Variants in PGM2L1 observed in about 807,000 individuals in gnomAD.
PGM2L1 encodes glucose 1,6-bisphosphate synthase.
PGM2L1 carries 35 observed loss-of-function variants against 73.4 expected under a neutral mutation model. The ratio of observed to expected loss-of-function variants is 0.48; its 90% CI spans 0.36 to 0.63. The LOEUF (loss-of-function observed/expected upper bound fraction) is 0.63. PGM2L1 is among the 30% of genes least tolerant of loss of function. The pLI is 0.00. For missense variants in PGM2L1, 570 were observed against 742.0 expected (o/e 0.77, Z 2.69); for synonymous variants, 225 against 253.8 (o/e 0.89, Z 1.08).
At chr11:74,360,637 T>A (rs1862547541) in intron 5 of PGM2L1, among the ~76,000 whole-genome samples, 1 of 151,392 alleles carries the variant, frequency 6.6e-6, no homozygotes, top group East Asian at 1.9e-4. Flanking sequence ...GCGCAAGGGG[T>A]CATGGAATTC....
At position 74,398,212 on chromosome 11, in the gene PGM2L1, G is replaced by C. The variant is rs755677873; in HGVS notation, c.-51C>G. 4 of 1,561,984 alleles carry C rather than the reference G, an allele frequency of 2.6e-6. No homozygotes were observed. The highest frequency in any genetic ancestry group is 1.4e-5 in the African/African-American group (1 of 74,072). On this transcript the variant is annotated 5_prime_UTR_variant, in exon 1 of 14. Coordinates refer to ENST00000298198, the MANE Select transcript of PGM2L1 (RefSeq NM_173582.6). ...GGGGCCGGCGAAGACACTGAGTTGG[G>C]GTGGGGGGTGGCTTGGGGTTCGCTC...
chr11:74,353,688 G>T (rs76157486), intron 5 of PGM2L1, among the ~76,000 whole-genome samples: 3 of 148,164 alleles, frequency 2.0e-5, no homozygotes, highest in East Asian at 4.1e-4. Context: ...CAAGGCAGAA[G>T]AATTTTTCTT....
At chr11:74,381,188 C>A (rs974748894) in intron 1 of PGM2L1, among the ~76,000 whole-genome samples, 1 of 152,166 alleles carries the variant, frequency 6.6e-6, no homozygotes, top group African/African-American at 2.4e-5. Context: ...AGTATCCTCA[C>A]CTGTAAAAAA....
rs1422145143 is a variant in PGM2L1, at chr11:74,335,110, G to A, written c.*1542C>T. 1 of 150,964 alleles carries A rather than the reference G, an allele frequency of 6.6e-6. No individual in the cohort carries two copies. The highest frequency in any genetic ancestry group is 1.5e-5 in the Non-Finnish European group (1 of 67,830). 9.4% of individuals were successfully genotyped at this position (150,964 alleles called of 1,614,324 possible). ...ATTAAACCTTTTCAGAAGACTGCAT[G>A]ATTAGCCAAAAGTGACTTTTTTTTT... On this transcript the variant is annotated 3_prime_UTR_variant, in exon 14 of 14. Transcript: ENST00000298198.
intron 1 of PGM2L1, among the ~76,000 whole-genome samples, chr11:74,396,929 A>G (rs1863185679): frequency 6.6e-6 from 1 of 152,234 alleles, no homozygotes; most frequent in African/African-American, 2.4e-5. Context: ...CTCATCTGCT[A>G]ACTGAGGCTT....
intron 1 of PGM2L1, among the ~76,000 whole-genome samples, chr11:74,383,643 G>A (rs948311588): frequency 2.0e-5 from 3 of 151,312 alleles, no homozygotes; most frequent in African/African-American, 4.9e-5. Flanking sequence ...TTCCCCTCCC[G>A]GTGTCCATGT....
rs143026706 is a variant in PGM2L1, at chr11:74,387,128, TGA to T, written c.111+10921_111+10922del. The stretch of plus-strand genomic sequence containing the variant: ...TAAAACTTTTATATCTACATTTCTA[TGA>T]GAGTTTCCAGGATCCCCTCCACAAC... On this transcript the variant is annotated intron_variant, in intron 1 of 13. Coordinates refer to ENST00000298198, the MANE Select transcript of PGM2L1 (RefSeq NM_173582.6). Among the ~76,000 whole-genome samples the T allele has an allele frequency of 4.1e-4, 62 of 152,336 alleles. 1 individual carries two copies. In the East Asian group the frequency reaches 0.011, roughly 27 times the overall value.
At chr11:74,356,196 AATC>A (rs1862452006) in intron 5 of PGM2L1, among the ~76,000 whole-genome samples, 1 of 152,124 alleles carries the variant, frequency 6.6e-6, no homozygotes, top group African/African-American at 2.4e-5. Context: ...TGGGTAGAGA[AATC>A]ATTGTTTTCA....
intron 1 of PGM2L1, among the ~76,000 whole-genome samples, chr11:74,393,567 G>A (rs1297103958): frequency 6.6e-6 from 1 of 152,206 alleles, no homozygotes; most frequent in African/African-American, 2.4e-5. Flanking sequence ...GGCTTAGATT[G>A]AAGTATTTTA....
At chr11:74,377,261 A>G (rs925631460) in intron 1 of PGM2L1, among the ~76,000 whole-genome samples, 1 of 151,620 alleles carries the variant, frequency 6.6e-6, no homozygotes, top group Non-Finnish European at 1.5e-5. Context: ...CAGCCTCCCG[A>G]GTAGCTGGAC....
In PGM2L1 at chr11:74,338,532, G is replaced by T; in HGVS notation, c.1702C>A (p.Arg568=). 1.2e-6 allele frequency: 2 copies of T among 1,605,610 alleles called. No individual in the cohort carries two copies. Among genetic ancestry groups the T allele is most frequent in the East Asian group, 2.2e-5 (1 of 44,828 alleles). ...ATCTTTGGTTCTGTTCCACTTGTCC[G>T]AAGGGTAGCAACACAGCCATTTTGA... The part of the protein sequence containing the change: ...TFQNGCVATL[R]TSGTEPKIKY... The change falls in exon 13 of 14, where the codon CGG becomes AGG. Residue 568 remains arginine (R), a synonymous_variant. Transcript: ENST00000298198.
intron 1 of PGM2L1, among the ~76,000 whole-genome samples, chr11:74,396,706 G>A (rs7101966): frequency 0.62 from 93,700 of 152,116 alleles, 31,282 homozygotes; most frequent in Non-Finnish European, 0.77. Flanking sequence ...GAGCCACGGC[G>A]CCCGGCCGGA....
intron 5 of PGM2L1, among the ~76,000 whole-genome samples, chr11:74,358,006 G>A (rs1404174768): frequency 1.3e-5 from 2 of 152,190 alleles, no homozygotes; most frequent in Non-Finnish European, 2.9e-5. Context: ...GTTTGCCAGG[G>A]GTTAAAGAGG....
intron 13 of PGM2L1, among the ~76,000 whole-genome samples, chr11:74,337,907 C>G (rs2134877499): frequency 6.6e-6 from 1 of 152,076 alleles, no homozygotes; most frequent in East Asian, 1.9e-4. Flanking sequence ...AGGTATATAC[C>G]TAAGAGAAAT....
At chr11:74,396,898 G>C (rs369089493) in intron 1 of PGM2L1, among the ~76,000 whole-genome samples, 3 of 152,322 alleles carry the variant, frequency 2.0e-5, no homozygotes, top group South Asian at 4.1e-4. Flanking sequence ...CCTCATTGTA[G>C]TTGCTTATTT....
intron 1 of PGM2L1, among the ~76,000 whole-genome samples, chr11:74,390,170 G>GAAAA (rs11408369): frequency 7.2e-6 from 1 of 138,884 alleles, no homozygotes; most frequent in African/African-American, 2.7e-5. Context: ...TTTTATGAAA[G>GAAAA]AAAAAAAAAA....
Position 74,343,372 on chromosome 11 carries a change from G to A in PGM2L1, c.1263C>T (p.Asp421=), listed in dbSNP as rs371556818. 8 of 1,610,538 alleles carry A rather than the reference G, an allele frequency of 5.0e-6. No individual in the cohort carries two copies. The African/African-American group carries it at 9.4e-5, about 19-fold the overall frequency. The change falls in exon 10 of 14, where the codon GAC becomes GAT. Residue 421 remains aspartate (D), a synonymous_variant. Coordinates refer to ENST00000298198, the MANE Select transcript of PGM2L1 (RefSeq NM_173582.6). ...GGACTTCTTTCCCATTTTCCAGGAG[G>A]TCTATTATCCTACTTCCAATCCATT... The part of the protein sequence containing the change: ...GFKWIGSRII[D]LLENGKEVLF...
chr11:74,389,947 CAAA>C (rs71065078), intron 1 of PGM2L1, among the ~76,000 whole-genome samples: 8 of 38,576 alleles, frequency 2.1e-4, no homozygotes, highest in Admixed American at 1.1e-3. Flanking sequence ...ACTAAAAATA[CAAA>C]AAAAAAAAAA....
At chr11:74,365,981 G>A (rs1463821868) in intron 5 of PGM2L1, among the ~76,000 whole-genome samples, 1 of 152,136 alleles carries the variant, frequency 6.6e-6, no homozygotes, top group Non-Finnish European at 1.5e-5. Context: ...AACAATGATA[G>A]ACTGGATTAA....
Sources: allele counts gnomAD v4.1 joint callset (sites outside exome capture counted in the v4.1 genomes callset), GRCh38; gene constraint gnomAD v4.1.1; transcripts MANE v1.5; gene names NCBI Gene and HGNC (gene_info 2026-07-23, HGNC 2026-07-21).